Variants in ADAMTS17 observed in about 807,000 individuals in gnomAD.
ADAMTS17 encodes the protein A disintegrin and metalloproteinase with thrombospondin motifs 17.
A neutral mutation model predicts 141.5 loss-of-function variants in ADAMTS17; 113 were observed. The ratio of observed to expected loss-of-function variants is 0.80; its 90% CI spans 0.69 to 0.93. The LOEUF (loss-of-function observed/expected upper bound fraction) is 0.93, where lower values mean the gene tolerates loss of function less well. ADAMTS17 is among the 40% of genes least tolerant of loss of function. ADAMTS17 has a pLI of 0.00. For synonymous variants in ADAMTS17, 768 were observed against 630.6 expected (o/e 1.22, Z -3.27); for missense variants, 1,659 against 1,517.9 (o/e 1.09, Z -1.54).
At chr15:100,219,045 C>T (rs1407573925) in intron 7 of ADAMTS17, among the ~76,000 whole-genome samples, 2 of 152,102 alleles carry the variant, frequency 1.3e-5, no homozygotes, top group East Asian at 1.9e-4. Context: ...CAGGTTAAAG[C>T]GTAGATGACC....
rs140998482 is a variant in ADAMTS17 at position 100,267,355 on chromosome 15, G to A, written c.790-4920C>T. Among the ~76,000 whole-genome samples the A allele has an allele frequency of 2.3e-3, 346 of 152,162 alleles. 1 individual carries two copies. The highest frequency in any genetic ancestry group is 6.0e-3 in the Admixed American group (92 of 15,296). On this transcript the variant is annotated intron_variant, in intron 4 of 21. Coordinates refer to ENST00000268070, the MANE Select transcript of ADAMTS17 (RefSeq NM_139057.4). Reference sequence around the variant, plus strand: ...ATATTCCATTGTATGGACACCCCACGTTTTGTTTATCTGCCCATCTGCCAA... The same window carrying A: ...ATATTCCATTGTATGGACACCCCACATTTTGTTTATCTGCCCATCTGCCAA...
At chr15:100,160,111 C>T (rs77422548) in intron 8 of ADAMTS17, among the ~76,000 whole-genome samples, 14 of 152,134 alleles carry the variant, frequency 9.2e-5, no homozygotes, top group Admixed American at 9.2e-4. Context: ...AAAATTTGCA[C>T]ATTCACCAAA....
chr15:100,152,597 C>T lies in ADAMTS17; in HGVS notation c.1473+15G>A, dbSNP rs560094205. ...CCATGCTCTGTCCCGAGCCAGCCCT[C>T]CCACGGCTGCTTACCTCCATGTTTC... On this transcript the variant is annotated intron_variant, in intron 10 of 21. Coordinates refer to ENST00000268070, the MANE Select transcript of ADAMTS17 (RefSeq NM_139057.4). 1 of 1,613,042 alleles carries T rather than the reference C, an allele frequency of 6.2e-7. No individual in the cohort carries two copies. Among genetic ancestry groups the T allele is most frequent in the African/African-American group, 1.3e-5 (1 of 74,940 alleles).
intron 12 of ADAMTS17, chr15:100,126,464 T>G (rs1369256917): frequency 6.6e-6 from 1 of 152,218 alleles, no homozygotes; most frequent in African/African-American, 2.4e-5. Flanking sequence ...TGTTGAAGCT[T>G]GTTCTCAAGG....
Position 100,211,981 on chromosome 15 carries a change from G to C in ADAMTS17, c.1076-12558C>G, listed in dbSNP as rs540834684. 2.0e-5 allele frequency among the ~76,000 whole-genome samples: 3 copies of C among 152,126 alleles called. No individual in the cohort carries two copies. The South Asian group carries it at 6.2e-4, about 32-fold the overall frequency. ...AGAAGTCAGGAAGTGGTTATATCCT[G>C]GGAAGTGGCAGGTCACCATCCAGGC... is the stretch of plus-strand genomic sequence containing the variant. On this transcript the variant is annotated intron_variant, in intron 7 of 21. Transcript: ENST00000268070.
At chr15:100,205,584 G>A (rs1287316168) in intron 7 of ADAMTS17, among the ~76,000 whole-genome samples, 1 of 152,170 alleles carries the variant, frequency 6.6e-6, no homozygotes, top group African/African-American at 2.4e-5. Context: ...GAACCCCAGA[G>A]AGGCTCAGGG....
At chr15:100,157,396 T>C (rs1467599870) in intron 8 of ADAMTS17, among the ~76,000 whole-genome samples, 1 of 152,224 alleles carries the variant, frequency 6.6e-6, no homozygotes, top group Non-Finnish European at 1.5e-5. Flanking sequence ...GGCACTTACA[T>C]ATAATGTCTT....
At chr15:100,196,004 T>C (rs1175201485) in intron 8 of ADAMTS17, among the ~76,000 whole-genome samples, 1 of 152,206 alleles carries the variant, frequency 6.6e-6, no homozygotes, top group African/African-American at 2.4e-5. Context: ...CTCAATGGCG[T>C]GATAAACACA....
chr15:100,085,358 T>C (rs894683619), intron 15 of ADAMTS17, among the ~76,000 whole-genome samples: 1 of 139,894 alleles, frequency 7.1e-6, no homozygotes, highest in Non-Finnish European at 1.5e-5. Flanking sequence ...AGACCAAATC[T>C]ACATCTGATT....
intron 8 of ADAMTS17, among the ~76,000 whole-genome samples, chr15:100,172,719 C>T (rs1053314155): frequency 6.6e-6 from 1 of 152,224 alleles, no homozygotes; most frequent in Non-Finnish European, 1.5e-5. Context: ...AATACGGGAA[C>T]AACACAGCAG....
intron 14 of ADAMTS17, among the ~76,000 whole-genome samples, chr15:100,097,642 C>T (rs570375628): frequency 8.5e-5 from 13 of 152,360 alleles, no homozygotes; most frequent in East Asian, 5.8e-4. Context: ...AAGTGTGCAT[C>T]GGCCTCATGG....
intron 3 of ADAMTS17, among the ~76,000 whole-genome samples, chr15:100,316,653 A>G (rs369433779): frequency 6.6e-6 from 1 of 152,184 alleles, no homozygotes; most frequent in African/African-American, 2.4e-5. Flanking sequence ...AACCCACTCT[A>G]TGGAAGTTTT....
chr15:100,178,881 C>A (rs1003413592), intron 8 of ADAMTS17, among the ~76,000 whole-genome samples: 1 of 152,090 alleles, frequency 6.6e-6, no homozygotes, highest in African/African-American at 2.4e-5. Context: ...TCATTCTGGC[C>A]TCTATGATTT....
At chr15:100,055,428 T>C (rs1324647257) in intron 15 of ADAMTS17, among the ~76,000 whole-genome samples, 1 of 152,154 alleles carries the variant, frequency 6.6e-6, no homozygotes, top group African/African-American at 2.4e-5. Flanking sequence ...TCCAGGACAT[T>C]ATGGTCCCAC....
At chr15:100,210,424 T>C (rs2041763782) in intron 7 of ADAMTS17, among the ~76,000 whole-genome samples, 1 of 152,088 alleles carries the variant, frequency 6.6e-6, no homozygotes, top group South Asian at 2.1e-4. Flanking sequence ...ATATTGTTAT[T>C]ATCCTTGCAG....
chr15:100,282,015 A>G (rs1285863299), intron 3 of ADAMTS17, among the ~76,000 whole-genome samples: 3 of 152,170 alleles, frequency 2.0e-5, no homozygotes, highest in Non-Finnish European at 4.4e-5. Context: ...TTAGTAGTAG[A>G]TGTGTGAGTA....
At chr15:100,218,063 G>C (rs1451639964) in intron 7 of ADAMTS17, among the ~76,000 whole-genome samples, 4 of 152,018 alleles carry the variant, frequency 2.6e-5, no homozygotes, top group Non-Finnish European at 5.9e-5. Context: ...TGTAGATACA[G>C]GGTTTCACCA....
chr15:100,148,750 C>T (rs1453776612), intron 10 of ADAMTS17, among the ~76,000 whole-genome samples: 1 of 151,282 alleles, frequency 6.6e-6, no homozygotes, highest in Non-Finnish European at 1.5e-5. Context: ...GGATGCTGCA[C>T]AGGTGGGCAG....
chr15:100,210,842 CT>C (rs1167737517), intron 7 of ADAMTS17, among the ~76,000 whole-genome samples: 2 of 152,154 alleles, frequency 1.3e-5, no homozygotes, highest in Non-Finnish European at 2.9e-5. Context: ...TGGCTCACGC[CT>C]GTAATCCCAG....
Sources: gnomAD v4.1 joint callset for allele counts (sites outside exome capture counted in the v4.1 genomes callset) on GRCh38, gnomAD v4.1.1 for gene constraint, MANE v1.5 for transcripts, NCBI Gene and HGNC (gene_info 2026-07-23, HGNC 2026-07-21) for gene names.